Variants in SPTY2D1 observed in about 807,000 individuals in gnomAD.
SPTY2D1 encodes the protein protein SPT2 homolog.
SPTY2D1 carries 21 observed loss-of-function variants against 64.0 expected under a neutral mutation model. That is an observed-to-expected ratio of 0.33 (90% CI 0.23 to 0.47). The LOEUF (loss-of-function observed/expected upper bound fraction) is 0.47, where lower values mean the gene tolerates loss of function less well. Among genes scored for constraint, SPTY2D1 ranks in the 20% least tolerant of loss-of-function variants. The probability of loss-of-function intolerance (pLI) is 1.00; values close to 1 mark genes in which losing one functional copy is unlikely to be tolerated. For synonymous variants in SPTY2D1, 287 were observed against 286.8 expected (o/e 1.00, Z -0.01); for missense variants, 724 against 837.2 (o/e 0.86, Z 1.67).
chr11:18,616,158 C>A lies in SPTY2D1; in HGVS notation c.176-60G>T. 2.1e-6 allele frequency: 3 copies of A among 1,420,150 alleles called. No homozygotes were observed. In the South Asian group the frequency reaches 4.2e-5, roughly 20 times the overall value. 88.0% of individuals were successfully genotyped at this position (1,420,150 alleles called of 1,614,324 possible). ...CGAGATCTCAAGATTGCAGTATGCT[C>A]AAGTGAAAACACAACGTTCAGGTTA... On this transcript the variant is annotated intron_variant, in intron 2 of 5. Transcript: ENST00000336349.
intron 1 of SPTY2D1, among the ~76,000 whole-genome samples, chr11:18,622,118 CA>C (rs1232135737): frequency 9.1e-6 from 1 of 110,386 alleles, no homozygotes; most frequent in Non-Finnish European, 1.9e-5. Context: ...AAACCAAAAC[CA>C]AAAAAACCTC....
chr11:18,615,564 C>T lies in SPTY2D1; in HGVS notation c.710G>A (p.Ser237Asn). ...ACCTTTGCTAAGTTTTGTGCCCACA[C>T]TTTCTTTCTGAGAGGGTGCCTTTTT... ...VSKKAPSQKE[S>N]VGTKLSKGSG... Residue 237 changes from serine to asparagine, a missense_variant, in exon 3 of 6, where the codon AGT (serine) becomes AAT (asparagine). Transcript: ENST00000336349. 2 of 1,614,200 alleles carry T rather than the reference C, an allele frequency of 1.2e-6. No homozygotes were observed. Among genetic ancestry groups the T allele is most frequent in the South Asian group, 1.1e-5 (1 of 91,078 alleles).
At chr11:18,610,525 C>T (rs1012380020) in intron 5 of SPTY2D1, among the ~76,000 whole-genome samples, 2 of 151,764 alleles carry the variant, frequency 1.3e-5, no homozygotes, top group Admixed American at 1.3e-4. Context: ...ATTAGCTGGG[C>T]GTGGTAGCGC....
intron 1 of SPTY2D1, among the ~76,000 whole-genome samples, chr11:18,633,825 C>CT (rs1384182917): frequency 6.6e-6 from 1 of 152,204 alleles, no homozygotes; most frequent in Non-Finnish European, 1.5e-5. Flanking sequence ...CCCTTACATA[C>CT]ATATTTCCTT....
chr11:18,615,860 C>T lies in SPTY2D1; in HGVS notation c.414G>A (p.Glu138=), dbSNP rs143282244. 4,342 of 1,614,038 alleles carry T rather than the reference C, an allele frequency of 2.7e-3. 77 individuals are homozygous for T. In the African/African-American group the frequency reaches 0.047, roughly 17 times the overall value. ...ENEFLEYNHA[E]SEQEYEEEQE... ...GCTCTTCCTCATACTCCTGCTCTGA[C>T]TCTGCGTGATTGTACTCGAGGAATT... The change falls in exon 3 of 6, where the codon GAG becomes GAA. Residue 138 remains glutamate (E), a synonymous_variant. Transcript: ENST00000336349.
In SPTY2D1 at chr11:18,612,188, A is replaced by G; in HGVS notation, c.1886+126T>C. 1.7e-6 allele frequency: 1 copy of G among 595,914 alleles called. No individual in the cohort carries two copies. The highest frequency in any genetic ancestry group is 2.7e-6 in the Non-Finnish European group (1 of 372,246). 36.9% of individuals were successfully genotyped at this position (595,914 alleles called of 1,614,324 possible). The stretch of plus-strand genomic sequence containing the variant: ...AAAGAGTACGTTTATTTAAATAACA[A>G]TCACCCAAGGGTTCCTAATTAAGAA... On this transcript the variant is annotated intron_variant, in intron 4 of 5. Coordinates refer to ENST00000336349, the MANE Select transcript of SPTY2D1 (RefSeq NM_194285.3). This position sits in a 1 kb window ranked among gnomAD's most constrained non-coding sequence, Gnocchi z 4.6.
Position 18,614,683 on chromosome 11 carries a change from T to C in SPTY2D1, c.1591A>G (p.Ile531Val). Residue 531 changes from isoleucine (I) to valine (V), a missense_variant, in exon 3 of 6, where the codon ATA becomes GTA. Physicochemically the swap from Ile to Val is conservative, Grantham distance 29 (BLOSUM62 3). Transcript: ENST00000336349. The stretch of plus-strand genomic sequence containing the variant: ...GAGACAACAGTGCACTTAGGCTTTA[T>C]AGTGGGACCTGAGCTACTAACTGTT... ...GQTVSSSGPT[I>V]KPKCTVVSET... The C allele has an allele frequency of 1.2e-6, 2 of 1,614,260 alleles. No individual in the cohort carries two copies. The highest frequency in any genetic ancestry group is 1.3e-5 in the African/African-American group (1 of 75,070).
At chr11:18,630,766 A>G (rs1033082883) in intron 1 of SPTY2D1, among the ~76,000 whole-genome samples, 7 of 152,168 alleles carry the variant, frequency 4.6e-5, no homozygotes, top group Non-Finnish European at 8.8e-5. Flanking sequence ...GTAAATTTAT[A>G]ACAGCAGGGT....
intron 1 of SPTY2D1, among the ~76,000 whole-genome samples, chr11:18,626,002 G>A (rs1026661248): frequency 6.6e-6 from 1 of 151,928 alleles, no homozygotes; most frequent in African/African-American, 2.4e-5. Flanking sequence ...TGTATTTTTA[G>A]TAGAGACAGG....
chr11:18,622,669 C>T (rs1479964804), intron 1 of SPTY2D1, among the ~76,000 whole-genome samples: 1 of 151,864 alleles, frequency 6.6e-6, no homozygotes, highest in Non-Finnish European at 1.5e-5. Flanking sequence ...GAAAAAATTC[C>T]GGCTGGGCGC....
intron 1 of SPTY2D1, among the ~76,000 whole-genome samples, chr11:18,620,870 G>C (rs945549391): frequency 2.3e-5 from 3 of 129,242 alleles, no homozygotes; most frequent in African/African-American, 9.1e-5. Flanking sequence ...CTGGGCAACA[G>C]AGCAAGACTC....
intron 1 of SPTY2D1, among the ~76,000 whole-genome samples, chr11:18,620,308 G>A (rs1590402926): frequency 1.3e-5 from 2 of 151,698 alleles, no homozygotes; most frequent in Non-Finnish European, 1.5e-5. Flanking sequence ...GTGAAACCCT[G>A]TCTCCACTAA....
In SPTY2D1 at chr11:18,612,421, A is replaced by T; in HGVS notation, c.1779T>A (p.Asp593Glu). 3 of 1,606,860 alleles carry T rather than the reference A, an allele frequency of 1.9e-6. No individual in the cohort carries two copies. Among genetic ancestry groups the T allele is most frequent in the Non-Finnish European group, 1.7e-6 (2 of 1,174,644 alleles). ...RQREYEEEDD[D>E]DDEYDSEMED... Reference sequence around the variant, plus strand: ...CCATTTCAGAGTCGTATTCATCATCATCGTCATCTTCCTCTTCATATTCTC... The same window carrying T: ...CCATTTCAGAGTCGTATTCATCATCTTCGTCATCTTCCTCTTCATATTCTC... Residue 593 changes from aspartate to glutamate, a missense_variant, in exon 4 of 6, where the codon GAT becomes GAA. Transcript: ENST00000336349. The surrounding 1 kb of genome is among the most constrained non-coding windows in gnomAD (Gnocchi z 4.6).
In SPTY2D1 at chr11:18,615,424, G is replaced by A. The variant is rs1250808422; in HGVS notation, c.850C>T (p.Pro284Ser). ...HLALSSSKSM[P>S]GERIKAGSGN... ...GATCCTGCCTTGATCCTCTCTCCTG[G>A]CATGGATTTGGATGAAGACAAAGCG... The change falls in exon 3 of 6, where the codon CCA becomes TCA. Residue 284 changes from proline to serine, a missense_variant. By Grantham distance (74) the Pro-to-Ser change is moderately conservative. Around this residue, in one of 3 missense-constraint regions of SPTY2D1, gnomAD observed 426 missense variants for 431.8 expected, o/e 0.99. Coordinates refer to ENST00000336349, the MANE Select transcript of SPTY2D1 (RefSeq NM_194285.3). The A allele has an allele frequency of 6.2e-7, 1 of 1,614,076 alleles. No individual in the cohort carries two copies. The highest frequency in any genetic ancestry group is 2.2e-5 in the East Asian group (1 of 44,892).
rs565495332 is a variant in SPTY2D1 at position 18,621,332 on chromosome 11, A to G, written c.61-4343T>C. Among the ~76,000 whole-genome samples the G allele has an allele frequency of 3.0e-5, 3 of 99,502 alleles. No individual in the cohort carries two copies. In the South Asian group the frequency reaches 9.2e-4, roughly 31 times the overall value. 65.3% of individuals were successfully genotyped at this position (99,502 alleles called of 152,430 possible). ...ACTCTGTCTCAAAAAACAGAAAAGA[A>G]AAGAAAAGAAAAGAAAAGAAAAGAA... is the stretch of plus-strand genomic sequence containing the variant. On this transcript the variant is annotated intron_variant, in intron 1 of 5. Transcript: ENST00000336349.
Position 18,624,195 on chromosome 11 carries a change from T to A in SPTY2D1, c.61-7206A>T, listed in dbSNP as rs549669041. Among the ~76,000 whole-genome samples the A allele has an allele frequency of 4.5e-5, 6 of 132,272 alleles. 1 individual carries two copies. Among genetic ancestry groups the A allele is most frequent in the African/African-American group, 1.6e-4 (6 of 37,780 alleles). 86.8% of individuals were successfully genotyped at this position (132,272 alleles called of 152,430 possible). A position where few individuals can be genotyped will look rare whatever the true frequency, so the allele number is the denominator to read the frequency against. On this transcript the variant is annotated intron_variant, in intron 1 of 5. Coordinates refer to ENST00000336349, the MANE Select transcript of SPTY2D1 (RefSeq NM_194285.3). Reference sequence around the variant, plus strand: ...AGAGGGGCAGCCCAGTGGAGAAACATTTTTAAAAAGAGAGGAAAAAAAAAA... The same window carrying A: ...AGAGGGGCAGCCCAGTGGAGAAACAATTTTAAAAAGAGAGGAAAAAAAAAA...
At chr11:18,625,430 C>G (rs1045127491) in intron 1 of SPTY2D1, among the ~76,000 whole-genome samples, 1 of 152,138 alleles carries the variant, frequency 6.6e-6, no homozygotes, top group Non-Finnish European at 1.5e-5. Flanking sequence ...AGTCCAACCT[C>G]TATGTTAGAA....
In SPTY2D1 at chr11:18,611,368, C is replaced by G. The variant is rs1297340962; in HGVS notation, c.1964+109G>C. ...CACAGCTAGTAAACAGGATTGGAAT[C>G]CAGAATTCTCTGGCCCAAAGCCCCA... On this transcript the variant is annotated intron_variant, in intron 5 of 5. Transcript: ENST00000336349. 4 of 970,052 alleles carry G rather than the reference C, an allele frequency of 4.1e-6. No individual in the cohort carries two copies. In the African/African-American group the frequency reaches 6.5e-5, roughly 16 times the overall value. The allele number at this position is 970,052 out of a possible 1,614,324, so 60.1% of individuals were successfully genotyped here.
chr11:18,615,277 G>C lies in SPTY2D1; in HGVS notation c.997C>G (p.Gln333Glu). 1 of 1,614,218 alleles carries C rather than the reference G, an allele frequency of 6.2e-7. No homozygotes were observed. The highest frequency in any genetic ancestry group is 8.5e-7 in the Non-Finnish European group (1 of 1,180,034). The change falls in exon 3 of 6, where the codon CAG becomes GAG. Residue 333 changes from glutamine (Q) to glutamate (E), a missense_variant. Physicochemically the swap from Gln to Glu is conservative, Grantham distance 29 (BLOSUM62 2). This residue lies in a region of SPTY2D1 where 426 missense variants were observed against 431.8 expected (regional missense o/e 0.99). Coordinates refer to ENST00000336349, the MANE Select transcript of SPTY2D1 (RefSeq NM_194285.3). ...GCTTTGTGCTCAACAGCAGATTTCT[G>C]AGTCCTGCTAGCAGAAGTCTTTGGG... ...SVPKTSASRT[Q>E]KSAVEHKAKK...
Sources: gnomAD v4.1 joint callset for allele counts (sites outside exome capture counted in the v4.1 genomes callset) on GRCh38, gnomAD v4.1.1 for gene constraint, gnomAD v4.1.1 regional missense constraint, Gnocchi (gnomAD v3.1) non-coding constraint, MANE v1.5 for transcripts, NCBI Gene and HGNC (gene_info 2026-07-23, HGNC 2026-07-21) for gene names.